Variants in THSD7B observed in about 807,000 individuals in gnomAD.
THSD7B encodes the protein thrombospondin type 1 domain containing 7B.
Under a neutral mutation model 213.6 loss-of-function variants are expected in THSD7B, and 138 were observed. The ratio of observed to expected loss-of-function variants is 0.65; its 90% CI spans 0.56 to 0.74. The LOEUF (loss-of-function observed/expected upper bound fraction) is 0.74, where lower values mean the gene tolerates loss of function less well. Ranked by LOEUF, THSD7B falls within the 30% of genes least tolerant of loss-of-function variation. The pLI is 0.00. For missense variants in THSD7B, 1,931 were observed against 1,991.5 expected (o/e 0.97, Z 0.58); for synonymous variants, 742 against 687.0 (o/e 1.08, Z -1.25).
At chr2:137,655,437 A>G in intron 21 of THSD7B, 64 bp from the exon 22 acceptor site, 2 of 1,511,856 alleles carry the variant, frequency 1.3e-6, no homozygotes, top group Non-Finnish European at 8.9e-7. Flanking sequence ...AAGAGGTGGC[A>G]AGAGCCAAAA....
At chr2:137,445,024 A>C (rs1316313470) in intron 14 of THSD7B, among the ~76,000 whole-genome samples, 1 of 152,028 alleles carries the variant, frequency 6.6e-6, no homozygotes, top group Non-Finnish European at 1.5e-5. Flanking sequence ...ACCACTAATC[A>C]TCAGAGGAAA....
At chr2:136,905,285 T>C (rs518743) in intron 2 of THSD7B, among the ~76,000 whole-genome samples, 145,464 of 152,222 alleles carry the variant, frequency 0.96, 69,601 homozygotes, top group Admixed American at 0.98. Context: ...TGGTACTTAT[T>C]GTGTTCTAGG....
At chr2:137,271,421 A>ATATGTCTTC in intron 10 of THSD7B, among the ~76,000 whole-genome samples, 1 of 138,752 alleles carries the variant, frequency 7.2e-6, no homozygotes, top group Admixed American at 7.3e-5. Flanking sequence ...TATAATATAT[A>ATATGTCTTC]ATTATATAAT....
rs1397153580 is a variant in THSD7B at position 137,487,560 on chromosome 2, C to T, written c.3138+36537C>T. On this transcript the variant is annotated intron_variant, in intron 15 of 27. Transcript: ENST00000409968. ...GAAAGGATCAACAAAATTGATAGTC[C>T]ACTAGCAAGACTAATAAAGAAGAAA... Among the ~76,000 whole-genome samples, 6 of 151,446 alleles carry T rather than the reference C, an allele frequency of 4.0e-5. No homozygotes were observed. The South Asian group carries it at 8.3e-4, about 21-fold the overall frequency.
intron 5 of THSD7B, among the ~76,000 whole-genome samples, chr2:137,117,346 A>G (rs1161450913): frequency 6.6e-6 from 1 of 152,176 alleles, no homozygotes; most frequent in East Asian, 1.9e-4. Flanking sequence ...ATTGTTAGGA[A>G]CCTGTGAGTA....
intron 20 of THSD7B, among the ~76,000 whole-genome samples, chr2:137,627,767 T>C (rs889063621): frequency 6.6e-6 from 1 of 152,144 alleles, no homozygotes. Flanking sequence ...AATGAAAACA[T>C]GGGAATTGCA....
chr2:137,232,580 AT>A (rs1015385319), intron 8 of THSD7B, among the ~76,000 whole-genome samples: 2 of 152,170 alleles, frequency 1.3e-5, no homozygotes, highest in African/African-American at 2.4e-5. Flanking sequence ...GCATAGAAAT[AT>A]TTTTTGAAAA....
intron 7 of THSD7B, among the ~76,000 whole-genome samples, chr2:137,175,998 A>G (rs939524860): frequency 1.3e-4 from 20 of 152,258 alleles, no homozygotes; most frequent in Admixed American, 6.5e-4. Context: ...ATTATGTTGT[A>G]TCTCGTGTTG....
At chr2:136,817,629 C>G (rs1682495890) in intron 1 of THSD7B, among the ~76,000 whole-genome samples, 1 of 151,514 alleles carries the variant, frequency 6.6e-6, no homozygotes, top group African/African-American at 2.4e-5. Context: ...AATCCTTTCC[C>G]CATTGCTTGT....
chr2:137,659,796 A>G, intron 25 of THSD7B, 50 bp downstream of exon 25: 3 of 1,530,428 alleles, frequency 2.0e-6, no homozygotes, highest in East Asian at 2.4e-5. Context: ...GCTGTGTTTT[A>G]CACATGCAAT....
intron 14 of THSD7B, among the ~76,000 whole-genome samples, chr2:137,425,409 G>C (rs1053636085): frequency 2.6e-5 from 4 of 151,976 alleles, no homozygotes; most frequent in Non-Finnish European, 4.4e-5. Context: ...TAGAGGTGGG[G>C]TTTCACCATG....
chr2:137,377,605 G>A (rs1685686185), intron 12 of THSD7B, among the ~76,000 whole-genome samples: 1 of 151,558 alleles, frequency 6.6e-6, no homozygotes, highest in Non-Finnish European at 1.5e-5. Flanking sequence ...AATTTTTTTT[G>A]CAGCAGCTTT....
intron 2 of THSD7B, among the ~76,000 whole-genome samples, chr2:136,989,149 G>T (rs1402929802): frequency 6.6e-6 from 1 of 152,214 alleles, no homozygotes; most frequent in Non-Finnish European, 1.5e-5. Flanking sequence ...GAATTTGTTA[G>T]ATGGGTATTC....
intron 19 of THSD7B, among the ~76,000 whole-genome samples, chr2:137,620,007 T>C (rs1682487557): frequency 6.6e-6 from 1 of 152,340 alleles, no homozygotes; most frequent in South Asian, 2.1e-4. Flanking sequence ...AGGTGCTTTA[T>C]TCTTTCACTA....
intron 7 of THSD7B, among the ~76,000 whole-genome samples, chr2:137,227,746 T>C (rs1011254082): frequency 5.9e-5 from 9 of 152,276 alleles, no homozygotes; most frequent in African/African-American, 2.2e-4. Context: ...TTTTTAAATA[T>C]TTTATGTAAA....
At chr2:137,626,099 C>T (rs139164603) in intron 20 of THSD7B, among the ~76,000 whole-genome samples, 155 of 152,250 alleles carry the variant, frequency 1.0e-3, no homozygotes, top group Middle Eastern at 6.8e-3. Flanking sequence ...AGTCATGTCC[C>T]CTGAAACCAT....
chr2:137,078,256 G>T (rs1215036720), intron 3 of THSD7B, among the ~76,000 whole-genome samples: 2 of 152,152 alleles, frequency 1.3e-5, no homozygotes, highest in African/African-American at 4.8e-5. Context: ...AAGTCAGATA[G>T]CGTGATGCCT....
At chr2:137,023,738 G>A (rs573826214) in intron 2 of THSD7B, among the ~76,000 whole-genome samples, 6 of 152,246 alleles carry the variant, frequency 3.9e-5, no homozygotes, top group East Asian at 3.9e-4. Flanking sequence ...TCAGTAAATC[G>A]TCAGGAGCAT....
chr2:137,161,893 T>G (rs982103100), intron 6 of THSD7B, among the ~76,000 whole-genome samples: 1 of 152,228 alleles, frequency 6.6e-6, no homozygotes, highest in African/African-American at 2.4e-5. Context: ...GCTGCTCCTG[T>G]TTAGGTCACT....
Sources: allele counts gnomAD v4.1 joint callset (sites outside exome capture counted in the v4.1 genomes callset), GRCh38; gene constraint gnomAD v4.1.1; transcripts MANE v1.5; gene names NCBI Gene and HGNC (gene_info 2026-07-23, HGNC 2026-07-21).